The following NEK11 variants were observed in gnomAD, a reference collection of about 807,000 sequenced individuals.
NEK11 encodes NIMA related kinase 11, also known as serine/threonine-protein kinase Nek11.
NEK11 carries 72 observed loss-of-function variants against 80.7 expected under a neutral mutation model. The observed-to-expected ratio is 0.89, with a 90% CI of 0.74 to 1.08. The LOEUF (loss-of-function observed/expected upper bound fraction) is 1.08. NEK11 is among the 50% of genes least tolerant of loss of function. The pLI is 0.00. For synonymous variants in NEK11, 251 were observed against 260.7 expected (o/e 0.96, Z 0.36); for missense variants, 764 against 763.6 (o/e 1.00, Z -0.01).
intron 17 of NEK11, among the ~76,000 whole-genome samples, chr3:131,299,460 T>C (rs1205733024): frequency 1.3e-5 from 2 of 151,930 alleles, no homozygotes; most frequent in African/African-American, 4.8e-5. Flanking sequence ...CCAAAAGTGC[T>C]GCAATTACAG....
At chr3:131,166,671 C>T (rs930293076) in intron 12 of NEK11, among the ~76,000 whole-genome samples, 1 of 152,182 alleles carries the variant, frequency 6.6e-6, no homozygotes, top group Admixed American at 6.5e-5. Context: ...TAAGTGAAGG[C>T]CCCCTGTGGG....
At chr3:131,133,419 T>G (rs2084921430) in intron 6 of NEK11, 2 of 356,202 alleles carry the variant, frequency 5.6e-6, no homozygotes, top group Non-Finnish European at 1.1e-5. Flanking sequence ...GTCTCAGATC[T>G]TTTCTTTAAA....
At position 131,085,559 on chromosome 3, in the gene NEK11, T is replaced by C. The variant is rs565493554; in HGVS notation, c.336+4971T>C. ...AAATGACTTCTGACCATGGGAACCATGAAGGGGCTAGCATTCTATTTGAGT... is the reference window on the plus strand; with the variant it reads ...AAATGACTTCTGACCATGGGAACCACGAAGGGGCTAGCATTCTATTTGAGT... On this transcript the variant is annotated intron_variant, in intron 4 of 17. Transcript: ENST00000383366. Among the ~76,000 whole-genome samples, 463 of 152,166 alleles carry C rather than the reference T, an allele frequency of 3.0e-3. 1 individual carries two copies. Among genetic ancestry groups the C allele is most frequent in the Middle Eastern group, 6.8e-3 (2 of 294 alleles).
chr3:131,312,172 T>G (rs1464511237), intron 17 of NEK11, among the ~76,000 whole-genome samples: 1 of 152,238 alleles, frequency 6.6e-6, no homozygotes, highest in Admixed American at 6.5e-5. Context: ...CACGGTTCTT[T>G]AAGTCAGGGA....
chr3:131,055,314 C>T (rs969270140), intron 3 of NEK11, among the ~76,000 whole-genome samples: 1 of 152,116 alleles, frequency 6.6e-6, no homozygotes, highest in African/African-American at 2.4e-5. Context: ...CAATGTCAGG[C>T]ACTGTTTCAG....
chr3:131,040,294 T>C (rs1376717908), intron 3 of NEK11, among the ~76,000 whole-genome samples: 2 of 147,988 alleles, frequency 1.4e-5, no homozygotes, highest in Admixed American at 6.7e-5. Flanking sequence ...TTTGGGTAGT[T>C]ATATGAAAAA....
At chr3:131,324,897 G>A (rs965487382) in intron 17 of NEK11, among the ~76,000 whole-genome samples, 4 of 152,104 alleles carry the variant, frequency 2.6e-5, no homozygotes, top group African/African-American at 7.2e-5. Flanking sequence ...AAAAAATTCT[G>A]TAATTCTGAT....
At chr3:131,234,758 C>A (rs1224905735) in intron 15 of NEK11, among the ~76,000 whole-genome samples, 1 of 151,942 alleles carries the variant, frequency 6.6e-6, no homozygotes, top group Non-Finnish European at 1.5e-5. Context: ...TGGAATACAG[C>A]ACAGTGGGGT....
At chr3:131,138,994 A>C (rs1006791552) in intron 7 of NEK11, among the ~76,000 whole-genome samples, 4 of 152,152 alleles carry the variant, frequency 2.6e-5, no homozygotes, top group African/African-American at 9.7e-5. Flanking sequence ...ACAAGTGTCA[A>C]GACCAACCAG....
intron 17 of NEK11, among the ~76,000 whole-genome samples, chr3:131,337,759 G>GCTA (rs1335648016): frequency 1.3e-5 from 2 of 152,086 alleles, no homozygotes; most frequent in Non-Finnish European, 2.9e-5. Flanking sequence ...TGCACAGCTA[G>GCTA]CTAGGAGCAA....
intron 14 of NEK11, among the ~76,000 whole-genome samples, chr3:131,198,515 C>T (rs943756856): frequency 6.6e-6 from 1 of 152,202 alleles, no homozygotes; most frequent in Non-Finnish European, 1.5e-5. Flanking sequence ...CCATTCACAT[C>T]ATGAGATGTC....
At chr3:131,050,216 A>G (rs965464198) in intron 3 of NEK11, among the ~76,000 whole-genome samples, 3 of 152,232 alleles carry the variant, frequency 2.0e-5, no homozygotes, top group Non-Finnish European at 4.4e-5. Context: ...TAAAACCTAA[A>G]GGTGGAATCA....
At chr3:131,175,945 G>C (rs532497189) in intron 14 of NEK11, among the ~76,000 whole-genome samples, 27 of 152,282 alleles carry the variant, frequency 1.8e-4, no homozygotes, top group Middle Eastern at 3.4e-3. Context: ...TAATCCAGAA[G>C]GTGATCACAG....
chr3:131,091,542 A>G (rs1199228420), intron 4 of NEK11, among the ~76,000 whole-genome samples: 2 of 152,210 alleles, frequency 1.3e-5, no homozygotes, highest in Admixed American at 1.3e-4. Context: ...TCCATATGGC[A>G]AGGTAACCCA....
rs35924646 is a variant in NEK11 at position 131,159,774 on chromosome 3, A to AT, written c.963-2634_963-2633insT. On this transcript the variant is annotated intron_variant, in intron 10 of 17. Transcript: ENST00000383366. ...AATGAGACTCCATCTCCAAAAAAAA[A>AT]GAATGCAATCTCAAGTATTAGTATC... 1.2e-3 allele frequency among the ~76,000 whole-genome samples: 175 copies of AT among 151,974 alleles called. 2 individuals are homozygous for AT. In the East Asian group the frequency reaches 0.031, roughly 26 times the overall value.
At chr3:131,257,265 G>A (rs1482076847) in intron 16 of NEK11, among the ~76,000 whole-genome samples, 2 of 151,980 alleles carry the variant, frequency 1.3e-5, no homozygotes, top group South Asian at 2.1e-4. Flanking sequence ...CAAAGTGCTG[G>A]GATTACAGAT....
At chr3:131,245,230 G>T (rs528677727) in intron 16 of NEK11, among the ~76,000 whole-genome samples, 15 of 151,766 alleles carry the variant, frequency 9.9e-5, no homozygotes, top group Non-Finnish European at 2.1e-4. Flanking sequence ...TAAGATAATG[G>T]CCTCCAGTTC....
intron 16 of NEK11, among the ~76,000 whole-genome samples, chr3:131,253,055 A>G: frequency 6.6e-6 from 1 of 152,036 alleles, no homozygotes; most frequent in East Asian, 1.9e-4. Context: ...TAGAAGTGGT[A>G]TTGTATTTCT....
intron 15 of NEK11, among the ~76,000 whole-genome samples, chr3:131,233,013 G>T (rs2095360708): frequency 6.6e-6 from 1 of 151,376 alleles, no homozygotes; most frequent in Non-Finnish European, 1.5e-5. Context: ...AGGAAGGAAG[G>T]AAGGAAGGAA....
Sources: gnomAD v4.1 joint callset for allele counts (sites outside exome capture counted in the v4.1 genomes callset) on GRCh38, gnomAD v4.1.1 for gene constraint, MANE v1.5 for transcripts, NCBI Gene and HGNC (gene_info 2026-07-23, HGNC 2026-07-21) for gene names.